The following FOXJ3 variants were observed in gnomAD, a reference collection of about 807,000 sequenced individuals.
FOXJ3 encodes forkhead box J3, also known as forkhead box protein J3.
Under a neutral mutation model 76.1 loss-of-function variants are expected in FOXJ3, and 22 were observed. The observed-to-expected ratio is 0.29, with a 90% CI of 0.21 to 0.41. The LOEUF (loss-of-function observed/expected upper bound fraction) is 0.41. Ranked by LOEUF, FOXJ3 falls within the 10% of genes least tolerant of loss-of-function variation. The pLI is 1.00. For synonymous variants in FOXJ3, 269 were observed against 261.2 expected (o/e 1.03, Z -0.29); for missense variants, 613 against 762.1 (o/e 0.80, Z 2.30).
chr1:42,268,389 G>GA (rs1395997118), intron 3 of FOXJ3, among the ~76,000 whole-genome samples: 1 of 151,844 alleles, frequency 6.6e-6, no homozygotes, highest in East Asian at 1.9e-4. Context: ...AACAAAAGCT[G>GA]AAAAAATTCA....
In FOXJ3 at chr1:42,294,137, C is replaced by G. The variant is rs1460019773; in HGVS notation, c.45-15465G>C. ...TCTAATACAAAGCTGGGAATCAAGT[C>G]TCCCATTCAATACCCAATGATCATA... On this transcript the variant is annotated intron_variant, in intron 2 of 12. Transcript: ENST00000361346. 2.0e-5 allele frequency among the ~76,000 whole-genome samples: 3 copies of G among 152,136 alleles called. No individual in the cohort carries two copies. In the East Asian group the frequency reaches 5.8e-4, roughly 29 times the overall value.
chr1:42,203,018 G>A (rs1045643156), intron 6 of FOXJ3, among the ~76,000 whole-genome samples: 1 of 152,176 alleles, frequency 6.6e-6, no homozygotes, highest in Middle Eastern at 3.4e-3. Context: ...TACCTCTTAA[G>A]TTTTTCTGAA....
rs1274237900 is a variant in FOXJ3 at position 42,302,891 on chromosome 1, T to A, written c.44+8159A>T. ...CTCATAAAAACTCAAAATTTCTCCA[T>A]CTCCCTGAAATAAAAAAAAAAACCT... On this transcript the variant is annotated intron_variant, in intron 2 of 12. Coordinates refer to ENST00000361346, the MANE Select transcript of FOXJ3 (RefSeq NM_014947.5). Among the ~76,000 whole-genome samples, 4 of 150,376 alleles carry A rather than the reference T, an allele frequency of 2.7e-5. No homozygotes were observed. The East Asian group carries it at 5.8e-4, about 22-fold the overall frequency.
intron 2 of FOXJ3, among the ~76,000 whole-genome samples, chr1:42,292,362 G>A (rs1653495532): frequency 6.6e-6 from 1 of 152,112 alleles, no homozygotes; most frequent in African/African-American, 2.4e-5. Context: ...CCTACAATAT[G>A]GCAGTCATTT....
chr1:42,250,973 A>C (rs564857630), intron 4 of FOXJ3, among the ~76,000 whole-genome samples: 1 of 152,168 alleles, frequency 6.6e-6, no homozygotes, highest in African/African-American at 2.4e-5. Context: ...TTCATGTCTT[A>C]TTATAACTGA....
At chr1:42,316,037 T>C (rs1307615899) in intron 1 of FOXJ3, among the ~76,000 whole-genome samples, 2 of 152,194 alleles carry the variant, frequency 1.3e-5, no homozygotes, top group Non-Finnish European at 1.5e-5. Context: ...TATTCAAGTG[T>C]ACATTAAACT....
chr1:42,218,376 C>T (rs1020343342), intron 5 of FOXJ3, among the ~76,000 whole-genome samples: 2 of 152,110 alleles, frequency 1.3e-5, no homozygotes, highest in Non-Finnish European at 2.9e-5. Flanking sequence ...ACTGATTATA[C>T]TTGTAATCAC....
intron 1 of FOXJ3, among the ~76,000 whole-genome samples, chr1:42,326,905 G>C (rs555031610): frequency 1.3e-5 from 2 of 152,152 alleles, no homozygotes; most frequent in Non-Finnish European, 2.9e-5. Context: ...CAAGGAGAAT[G>C]CAGGGTCTGG....
intron 10 of FOXJ3, 50 bp from the exon 11 acceptor site, chr1:42,188,978 T>G (rs1646490718): frequency 8.2e-7 from 1 of 1,222,710 alleles, no homozygotes; most frequent in Non-Finnish European, 1.1e-6. Flanking sequence ...CAATAAACAT[T>G]GCAAGGAAAA....
intron 2 of FOXJ3, among the ~76,000 whole-genome samples, chr1:42,291,479 C>A (rs762695634): frequency 6.6e-6 from 1 of 152,122 alleles, no homozygotes; most frequent in African/African-American, 2.4e-5. Context: ...AAACCATTTG[C>A]AAAGCATATA....
At chr1:42,268,500 G>C (rs769738955) in intron 3 of FOXJ3, among the ~76,000 whole-genome samples, 12 of 152,014 alleles carry the variant, frequency 7.9e-5, no homozygotes, top group Middle Eastern at 3.4e-3. Context: ...GCCGGAAATG[G>C]TAAAAAATGA....
chr1:42,334,487 T>A (rs1332641288), intron 1 of FOXJ3, among the ~76,000 whole-genome samples: 2 of 151,572 alleles, frequency 1.3e-5, no homozygotes, highest in Admixed American at 6.6e-5. Context: ...CACGTCCGCA[T>A]GGAACGGCTG....
At chr1:42,202,645 G>C (rs1646785411) in intron 6 of FOXJ3, among the ~76,000 whole-genome samples, 1 of 152,018 alleles carries the variant, frequency 6.6e-6, no homozygotes, top group Non-Finnish European at 1.5e-5. Flanking sequence ...TCTATCACAA[G>C]GAGAAAAAAA....
At chr1:42,182,131 TA>T (rs1646337326) in intron 11 of FOXJ3, 107 bp from the exon 12 acceptor site, 1 of 639,692 alleles carries the variant, frequency 1.6e-6, no homozygotes, top group African/African-American at 1.8e-5. Flanking sequence ...ATTAAGCAGG[TA>T]AAATAAGGAG....
At chr1:42,330,455 T>C (rs1371701661) in intron 1 of FOXJ3, among the ~76,000 whole-genome samples, 1 of 151,924 alleles carries the variant, frequency 6.6e-6, no homozygotes, top group Admixed American at 6.6e-5. Context: ...CTGGGCAACA[T>C]AGCGAAACCA....
In FOXJ3 at chr1:42,178,244, CTG is replaced by C. The variant is rs1187395833; in HGVS notation, c.*1464_*1465del. 6.6e-6 allele frequency: 1 copy of C among 152,158 alleles called. No homozygotes were observed. Among genetic ancestry groups the C allele is most frequent in the African/African-American group, 2.4e-5 (1 of 41,418 alleles). 9.4% of individuals were successfully genotyped at this position (152,158 alleles called of 1,614,324 possible). On this transcript the variant is annotated 3_prime_UTR_variant, in exon 13 of 13. Transcript: ENST00000361346. Reference sequence around the variant, plus strand: ...ACATTAAACACTGAAGCAAATAAAACTGTAAGTGGCTCTATCCTCCTTTCAAG... The same window carrying C: ...ACATTAAACACTGAAGCAAATAAAACTAAGTGGCTCTATCCTCCTTTCAAG...
In FOXJ3 at chr1:42,191,316, T is replaced by C. The variant is rs1425548863; in HGVS notation, c.1338A>G (p.Val446=). The part of the protein sequence containing the change: ...THQAPPPPQQ[V]SCNSGVSNDW... The stretch of plus-strand genomic sequence containing the variant: ...ACAAAAACTTACCAGAATTACAGGA[T>C]ACCTGTTGTGGGGGTGGGGGTGCCT... Residue 446 remains valine (V), a synonymous_variant, in exon 9 of 13, where the codon GTA becomes GTG. Coordinates refer to ENST00000361346, the MANE Select transcript of FOXJ3 (RefSeq NM_014947.5). 6.5e-7 allele frequency: 1 copy of C among 1,544,228 alleles called. No individual in the cohort carries two copies. Among genetic ancestry groups the C allele is most frequent in the African/African-American group, 1.4e-5 (1 of 73,198 alleles).
intron 2 of FOXJ3, among the ~76,000 whole-genome samples, chr1:42,307,802 G>A (rs901634869): frequency 3.3e-5 from 5 of 151,762 alleles, no homozygotes; most frequent in Non-Finnish European, 5.9e-5. Flanking sequence ...AATATCTACT[G>A]GTATAAAAAA....
At chr1:42,180,172 G>A (rs747699865) in intron 12 of FOXJ3, among the ~76,000 whole-genome samples, 4 of 152,168 alleles carry the variant, frequency 2.6e-5, no homozygotes, top group Non-Finnish European at 5.9e-5. Context: ...GCTCCAATAC[G>A]TTGTTTCAGT....
Sources: allele counts gnomAD v4.1 joint callset (sites outside exome capture counted in the v4.1 genomes callset), GRCh38; gene constraint gnomAD v4.1.1; transcripts MANE v1.5; gene names NCBI Gene and HGNC (gene_info 2026-07-23, HGNC 2026-07-21).